FBXO42: variants seen among roughly 807,000 people sequenced by gnomAD.
The protein encoded by FBXO42 is F-box only protein 42.
Under a neutral mutation model 71.7 loss-of-function variants are expected in FBXO42, and 12 were observed. That is an observed-to-expected ratio of 0.17 (90% CI 0.11 to 0.27). FBXO42 has a LOEUF of 0.27. Among genes scored for constraint, FBXO42 ranks in the 10% least tolerant of loss-of-function variants. The pLI, the probability that FBXO42 is intolerant of heterozygous loss-of-function variation, is 1.00. For missense variants in FBXO42, 707 were observed against 911.9 expected (o/e 0.78, Z 2.89); for synonymous variants, 325 against 327.5 (o/e 0.99, Z 0.08).
intron 1 of FBXO42, among the ~76,000 whole-genome samples, chr1:16,345,476 G>T (rs2082647651): frequency 6.6e-6 from 1 of 151,874 alleles, no homozygotes; most frequent in South Asian, 2.1e-4. Flanking sequence ...ACTACTGAAA[G>T]GACCTAGAAA....
At chr1:16,267,781 T>C (rs2081794865) in intron 4 of FBXO42, among the ~76,000 whole-genome samples, 1 of 152,074 alleles carries the variant, frequency 6.6e-6, no homozygotes, top group Admixed American at 6.6e-5. Flanking sequence ...TACAACTATA[T>C]CCACATCTTT....
chr1:16,274,686 G>C (rs907412167), intron 4 of FBXO42, among the ~76,000 whole-genome samples: 2 of 147,152 alleles, frequency 1.4e-5, no homozygotes, highest in African/African-American at 5.0e-5. Flanking sequence ...CCGCCTCCTG[G>C]GTTCAAACGA....
At chr1:16,267,122 A>C (rs1208965551) in intron 4 of FBXO42, among the ~76,000 whole-genome samples, 1 of 152,200 alleles carries the variant, frequency 6.6e-6, no homozygotes, top group Non-Finnish European at 1.5e-5. Context: ...AACTATTTGG[A>C]ATGGTCTCCA....
chr1:16,279,039 G>C (rs891113812), intron 4 of FBXO42, among the ~76,000 whole-genome samples: 1 of 152,138 alleles, frequency 6.6e-6, no homozygotes, highest in Non-Finnish European at 1.5e-5. Flanking sequence ...GCCTCCCAAA[G>C]TGCTGGGATT....
chr1:16,280,993 C>T (rs2081957855), intron 4 of FBXO42, among the ~76,000 whole-genome samples: 2 of 152,090 alleles, frequency 1.3e-5, no homozygotes. Context: ...CAGAGTTTCA[C>T]TGTTGTTGCC....
At chr1:16,286,670 T>C (rs759970141) in intron 4 of FBXO42, among the ~76,000 whole-genome samples, 1 of 152,162 alleles carries the variant, frequency 6.6e-6, no homozygotes, top group Non-Finnish European at 1.5e-5. Context: ...CTGAACTCCA[T>C]ATACATATAT....
chr1:16,255,852 AG>A (rs751275208), intron 5 of FBXO42, 31 bp from the exon 6 acceptor site: 99 of 1,493,872 alleles, frequency 6.6e-5, no homozygotes, highest in Admixed American at 2.0e-4. Flanking sequence ...GAAGTCAAGA[AG>A]TCAGCACCAC....
intron 4 of FBXO42, among the ~76,000 whole-genome samples, chr1:16,288,086 C>T (rs952525337): frequency 1.3e-5 from 2 of 152,006 alleles, no homozygotes; most frequent in African/African-American, 4.8e-5. Flanking sequence ...ATGGAGTGAG[C>T]CGAGATCATG....
At chr1:16,253,255 G>T in intron 7 of FBXO42, 103 bp from the exon 8 acceptor site, 2 of 932,048 alleles carry the variant, frequency 2.1e-6, no homozygotes, top group Non-Finnish European at 3.3e-6. Flanking sequence ...TCCCAAATGG[G>T]AATATTCTAG....
At chr1:16,308,160 T>A (rs80032601) in intron 2 of FBXO42, among the ~76,000 whole-genome samples, 3,437 of 152,230 alleles carry the variant, frequency 0.023, 134 homozygotes, top group African/African-American at 0.078. Context: ...CATTTTTTTT[T>A]AATAGAGGTG....
intron 1 of FBXO42, among the ~76,000 whole-genome samples, chr1:16,334,932 C>T (rs1136348): frequency 0.14 from 20,710 of 151,666 alleles, 2,042 homozygotes; most frequent in Admixed American, 0.3. Context: ...GAAGAAAAAA[C>T]TATTTTAATA....
At chr1:16,294,595 G>A in intron 4 of FBXO42, 188 bp downstream of exon 4, 1 of 605,012 alleles carries the variant, frequency 1.7e-6, no homozygotes, top group Non-Finnish European at 2.8e-6. Flanking sequence ...TAATGATAAA[G>A]TATAATTTAA....
In FBXO42 at chr1:16,247,218, AGAGGCT is replaced by A. The variant is rs1221379589; in HGVS notation, c.*3446_*3451del. Reference sequence around the variant, plus strand: ...AGAACATGCCTTCTGCAGTTCATGGAGAGGCTACATGGGACGCAGGCCTGGAAATTC... The same window carrying A: ...AGAACATGCCTTCTGCAGTTCATGGAACATGGGACGCAGGCCTGGAAATTC... On this transcript the variant is annotated 3_prime_UTR_variant, in exon 10 of 10. Coordinates refer to ENST00000375592, the MANE Select transcript of FBXO42 (RefSeq NM_018994.3). 2.0e-5 allele frequency: 3 copies of A among 152,246 alleles called. No homozygotes were observed. Among genetic ancestry groups the A allele is most frequent in the African/African-American group, 7.2e-5 (3 of 41,456 alleles). The allele number at this position is 152,246 out of a possible 1,614,324, so 9.4% of individuals were successfully genotyped here.
In FBXO42 at chr1:16,251,920, G is replaced by A. The variant is rs1281294309; in HGVS notation, c.1039-135C>T. 1.7e-6 allele frequency: 2 copies of A among 1,154,650 alleles called. No homozygotes were observed. Among genetic ancestry groups the A allele is most frequent in the Non-Finnish European group, 2.4e-6 (2 of 833,318 alleles). 71.5% of individuals were successfully genotyped at this position (1,154,650 alleles called of 1,614,324 possible). A position where few individuals can be genotyped will look rare whatever the true frequency, so the allele number is the denominator to read the frequency against. On this transcript the variant is annotated intron_variant, in intron 9 of 9. Coordinates refer to ENST00000375592, the MANE Select transcript of FBXO42 (RefSeq NM_018994.3). This position sits in a 1 kb window ranked among gnomAD's most constrained non-coding sequence, Gnocchi z 4.5. ...CCTGAGATATGAAGATGAAAATGAT[G>A]TAGTCTGCCCTCTAGGCTAGAAGTC...
chr1:16,259,739 C>A, intron 4 of FBXO42, among the ~76,000 whole-genome samples: 1 of 142,876 alleles, frequency 7.0e-6, no homozygotes, highest in African/African-American at 2.7e-5. Flanking sequence ...GCACTCTGGC[C>A]TGAGTGAAAG....
intron 1 of FBXO42, among the ~76,000 whole-genome samples, chr1:16,336,040 C>T (rs1335641133): frequency 2.0e-5 from 3 of 151,488 alleles, no homozygotes; most frequent in African/African-American, 7.3e-5. Context: ...TGGGTTCAAG[C>T]GATTCTCCTG....
intron 1 of FBXO42, among the ~76,000 whole-genome samples, chr1:16,344,803 A>G (rs2082640726): frequency 6.6e-6 from 1 of 152,194 alleles, no homozygotes. Context: ...TCTGATTTCT[A>G]ATAATATTTT....
intron 4 of FBXO42, among the ~76,000 whole-genome samples, chr1:16,278,200 T>C (rs1238825751): frequency 3.3e-5 from 5 of 149,886 alleles, no homozygotes. Flanking sequence ...CAACTAAAAA[T>C]ACAAAATTAG....
intron 1 of FBXO42, among the ~76,000 whole-genome samples, chr1:16,327,655 T>C (rs2082462754): frequency 6.6e-6 from 1 of 152,186 alleles, no homozygotes; most frequent in African/African-American, 2.4e-5. Flanking sequence ...TAGAGCTTGA[T>C]GAATTACTGC....
Sources: allele counts gnomAD v4.1 joint callset (sites outside exome capture counted in the v4.1 genomes callset), GRCh38; gene constraint gnomAD v4.1.1; non-coding constraint Gnocchi (gnomAD v3.1); transcripts MANE v1.5; gene names NCBI Gene and HGNC (gene_info 2026-07-23, HGNC 2026-07-21).